Variants in DIP2C observed in about 807,000 individuals in gnomAD.
The protein encoded by DIP2C is DIP2 acetate--CoA ligase C (putative), also known as disco-interacting protein 2 homolog C.
In DIP2C, 33 loss-of-function variants were observed where a neutral mutation model predicts 192.4. The observed-to-expected ratio is 0.17, with a 90% CI of 0.13 to 0.23. The LOEUF (loss-of-function observed/expected upper bound fraction) is 0.23. DIP2C is among the 10% of genes least tolerant of loss of function. DIP2C has a pLI of 1.00. For synonymous variants in DIP2C, 979 were observed against 864.1 expected, an observed-to-expected ratio of 1.13 and a Z score of -2.33; for missense variants, 1,537 against 2,110.1, an observed-to-expected ratio of 0.73 and a Z score of 5.32.
At chr10:541,653 G>A (rs372184184) in intron 1 of DIP2C, among the ~76,000 whole-genome samples, 7 of 137,098 alleles carry the variant, frequency 5.1e-5, no homozygotes, top group Non-Finnish European at 9.2e-5. Context: ...CCCTCCACCC[G>A]ACCACACCCG....
At chr10:626,157 G>A (rs895038670) in intron 1 of DIP2C, among the ~76,000 whole-genome samples, 7 of 152,192 alleles carry the variant, frequency 4.6e-5, no homozygotes, top group African/African-American at 9.6e-5. Flanking sequence ...AACGAGTGCC[G>A]ATGACATGCT....
intron 1 of DIP2C, among the ~76,000 whole-genome samples, chr10:518,226 G>C (rs1846486927): frequency 6.6e-6 from 1 of 152,236 alleles, no homozygotes; most frequent in African/African-American, 2.4e-5. Flanking sequence ...TCAGTTCCAA[G>C]CTTCTGGCAA....
At chr10:619,532 C>CAGGGCCAGGGCCAGGGCCAGGGCCAGG (rs750101870) in intron 1 of DIP2C, among the ~76,000 whole-genome samples, 8 of 40,722 alleles carry the variant, frequency 2.0e-4, no homozygotes, top group East Asian at 6.3e-4. Context: ...GGACCAAGCC[C>CAGGGCCAGGGCCAGGGCCAGGGCCAGG]GCCCGCCCGC....
rs188299222 is a variant in DIP2C at position 424,692 on chromosome 10, A to G, written c.395-1659T>C. ...TCTGCCTTTTAAGAAAACTTACACAATTTCTATAAAAGTAAAATTGACACA... is the reference window on the plus strand; with the variant it reads ...TCTGCCTTTTAAGAAAACTTACACAGTTTCTATAAAAGTAAAATTGACACA... On this transcript the variant is annotated intron_variant, in intron 4 of 36. Coordinates refer to ENST00000280886, the MANE Select transcript of DIP2C (RefSeq NM_014974.3). Among the ~76,000 whole-genome samples the G allele has an allele frequency of 3.9e-5, 6 of 152,246 alleles. No individual in the cohort carries two copies. In the East Asian group the frequency reaches 5.8e-4, roughly 15 times the overall value.
chr10:418,010 G>GCTT lies in DIP2C; in HGVS notation c.739+1054_739+1055insAAG, dbSNP rs1428198286. Among the ~76,000 whole-genome samples the GCTT allele has an allele frequency of 2.3e-5, 2 of 87,388 alleles. 1 individual carries two copies. Among genetic ancestry groups the GCTT allele is most frequent in the African/African-American group, 9.4e-5 (2 of 21,274 alleles). The allele number at this position is 87,388 out of a possible 152,430, so 57.3% of individuals were successfully genotyped here. On this transcript the variant is annotated intron_variant, in intron 6 of 36. Transcript: ENST00000280886. ...TCCCTGTCCACCTGCACCTGTCAGGGCGCGGACAGGCCTCCCTGTCCACCT... is the reference window on the plus strand; with the variant it reads ...TCCCTGTCCACCTGCACCTGTCAGGGCTTCGCGGACAGGCCTCCCTGTCCACCT...
chr10:657,695 C>T (rs1588699940), intron 1 of DIP2C, among the ~76,000 whole-genome samples: 2 of 130,322 alleles, frequency 1.5e-5, no homozygotes, highest in Non-Finnish European at 3.3e-5. Flanking sequence ...CTGGACCTGA[C>T]ACTGGACCTG....
chr10:414,737 G>GTATATATATATATATATATATATATATA lies in DIP2C; in HGVS notation c.860-628_860-627insTATATATATATATATATATATATATATA, dbSNP rs1213629573. 5.4e-4 allele frequency among the ~76,000 whole-genome samples: 30 copies of GTATATATATATATATATATATATATATA among 55,788 alleles called. 1 individual carries two copies. The highest frequency in any genetic ancestry group is 9.9e-4 in the Non-Finnish European group (26 of 26,262). 36.6% of individuals were successfully genotyped at this position (55,788 alleles called of 152,430 possible). ...TGTGTGTGTGTGTGTGTGTGTGTGT[G>GTATATATATATATATATATATATATATA]TGTACATATATATATATATAATGTG... On this transcript the variant is annotated intron_variant, in intron 7 of 36. Transcript: ENST00000280886.
chr10:532,544 T>A (rs58840923), intron 1 of DIP2C, among the ~76,000 whole-genome samples: 31,624 of 113,156 alleles, frequency 0.28, 5,878 homozygotes, highest in Non-Finnish European at 0.37. Flanking sequence ...AGTATGGGTG[T>A]GAGAGAGTAT....
intron 25 of DIP2C, 40 bp downstream of exon 25, chr10:349,291 G>A: frequency 6.3e-7 from 1 of 1,585,272 alleles, no homozygotes; most frequent in South Asian, 1.1e-5. Context: ...CGGCTGACCG[G>A]CTTGCCATCT....
intron 1 of DIP2C, among the ~76,000 whole-genome samples, chr10:532,849 G>C (rs952871725): frequency 6.6e-6 from 1 of 152,034 alleles, no homozygotes; most frequent in African/African-American, 2.4e-5. Context: ...AAGTACAGAG[G>C]TGCTATCACG....
At chr10:489,628 C>G (rs1844288791) in intron 1 of DIP2C, among the ~76,000 whole-genome samples, 1 of 150,810 alleles carries the variant, frequency 6.6e-6, no homozygotes, top group Admixed American at 6.6e-5. Flanking sequence ...CTGGTGCTTC[C>G]TCCATTTCAC....
chr10:486,376 G>A, intron 2 of DIP2C, 83 bp downstream of exon 2: 1 of 1,321,138 alleles, frequency 7.6e-7, no homozygotes, highest in Non-Finnish European at 1.0e-6. Flanking sequence ...GGAAGCAAGG[G>A]AGCGTCTGCC....
intron 1 of DIP2C, among the ~76,000 whole-genome samples, chr10:610,996 A>ACCCC (rs1370248891): frequency 1.4e-5 from 2 of 142,488 alleles, no homozygotes; most frequent in African/African-American, 5.4e-5. Context: ...GTGCTTTCTA[A>ACCCC]CCCCCCAGTG....
At chr10:534,240 C>T (rs766953572) in intron 1 of DIP2C, among the ~76,000 whole-genome samples, 4 of 152,158 alleles carry the variant, frequency 2.6e-5, no homozygotes, top group Admixed American at 6.5e-5. Context: ...ACCCCGGGGA[C>T]GTGCGAAACG....
chr10:482,716 A>G (rs1244394198), intron 2 of DIP2C, among the ~76,000 whole-genome samples: 1 of 152,182 alleles, frequency 6.6e-6, no homozygotes, highest in South Asian at 2.1e-4. Context: ...TTTACTCTCT[A>G]AATCTCCACG....
At chr10:643,927 G>A (rs1193198038) in intron 1 of DIP2C, among the ~76,000 whole-genome samples, 3 of 152,254 alleles carry the variant, frequency 2.0e-5, no homozygotes, top group Admixed American at 1.3e-4. Context: ...TGGAAGAGGT[G>A]AGAAAATAGA....
At chr10:526,359 G>C (rs1847050399) in intron 1 of DIP2C, among the ~76,000 whole-genome samples, 1 of 152,154 alleles carries the variant, frequency 6.6e-6, no homozygotes, top group Non-Finnish European at 1.5e-5. Flanking sequence ...ATAAATGTGT[G>C]CATTTATTTA....
At chr10:481,679 G>A (rs1312068608) in intron 2 of DIP2C, among the ~76,000 whole-genome samples, 1 of 152,244 alleles carries the variant, frequency 6.6e-6, no homozygotes, top group Non-Finnish European at 1.5e-5. Context: ...AGACACCTGA[G>A]GCAGTGGAAG....
rs1254284665 is a variant in DIP2C, at chr10:417,802, C to T, written c.739+1263G>A. Among the ~76,000 whole-genome samples the T allele has an allele frequency of 1.4e-4, 14 of 99,722 alleles. 4 individuals are homozygous for T. Among genetic ancestry groups the T allele is most frequent in the Non-Finnish European group, 1.6e-4 (8 of 50,726 alleles). The allele number at this position is 99,722 out of a possible 152,430, so 65.4% of individuals were successfully genotyped here. On this transcript the variant is annotated intron_variant, in intron 6 of 36. Coordinates refer to ENST00000280886, the MANE Select transcript of DIP2C (RefSeq NM_014974.3). ...TCAGGGCTCGGATAGGCCTCCCTGT[C>T]CACCTGTTCCTGTCAGGGCGCGGAC... is the stretch of plus-strand genomic sequence containing the variant.
Sources: gnomAD v4.1 joint callset for allele counts (sites outside exome capture counted in the v4.1 genomes callset) on GRCh38, gnomAD v4.1.1 for gene constraint, MANE v1.5 for transcripts, NCBI Gene and HGNC (gene_info 2026-07-23, HGNC 2026-07-21) for gene names.